NFASC: variants seen among roughly 807,000 people sequenced by gnomAD.
NFASC encodes neurofascin homolog.
In NFASC, 43 loss-of-function variants were observed where a neutral mutation model predicts 147.5. The ratio of observed to expected loss-of-function variants is 0.29; its 90% CI spans 0.23 to 0.38. NFASC has a LOEUF of 0.38. Ranked by LOEUF, NFASC falls within the 10% of genes least tolerant of loss-of-function variation. The pLI is 1.00. For synonymous variants in NFASC, 622 were observed against 665.5 expected (o/e 0.93, Z 1.01); for missense variants, 1,320 against 1,689.0 (o/e 0.78, Z 3.83).
At chr1:205,013,509 A>C (rs1232714875) in intron 29 of NFASC, among the ~76,000 whole-genome samples, 1 of 152,124 alleles carries the variant, frequency 6.6e-6, no homozygotes, top group African/African-American at 2.4e-5. Context: ...GTCCCCACCC[A>C]GTGAGTTAGT....
chr1:204,872,730 G>T (rs2077956141), intron 1 of NFASC, among the ~76,000 whole-genome samples: 1 of 152,184 alleles, frequency 6.6e-6, no homozygotes, highest in South Asian at 2.1e-4. Flanking sequence ...GATGTGCTCA[G>T]GGTGCAACAG....
chr1:204,946,200 C>A, intron 3 of NFASC: 1 of 417,612 alleles, frequency 2.4e-6, no homozygotes, highest in Non-Finnish European at 5.0e-6. Flanking sequence ...AGCTTAGAGT[C>A]ACACAGCAAA....
intron 11 of NFASC, among the ~76,000 whole-genome samples, chr1:204,972,941 G>T (rs934653094): frequency 3.9e-5 from 6 of 152,236 alleles, no homozygotes; most frequent in South Asian, 2.1e-4. Flanking sequence ...GAGATTGAAT[G>T]ATGCTGGTAG....
Position 204,975,172 on chromosome 1 carries a change from G to A in NFASC, c.1559-99G>A. On this transcript the variant is annotated intron_variant, in intron 14 of 29. Coordinates refer to ENST00000339876, the MANE Select transcript of NFASC (RefSeq NM_001005388.3). The surrounding 1 kb of genome is among the most constrained non-coding windows in gnomAD (Gnocchi z 4.0). Reference sequence around the variant, plus strand: ...ACTGTTTGTGCCCCACTCCATAGTTGGCCCAAGGCCTCGAGGGCAGACATA... The same window carrying A: ...ACTGTTTGTGCCCCACTCCATAGTTAGCCCAAGGCCTCGAGGGCAGACATA... The A allele has an allele frequency of 1.5e-6, 2 of 1,340,432 alleles. No individual in the cohort carries two copies. Among genetic ancestry groups the A allele is most frequent in the South Asian group, 2.8e-5 (2 of 72,186 alleles). The allele number at this position is 1,340,432 out of a possible 1,614,324, so 83.0% of individuals were successfully genotyped here.
chr1:204,984,971 T>C lies in NFASC; in HGVS notation c.2471-2447T>C, dbSNP rs116727458. On this transcript the variant is annotated intron_variant, in intron 21 of 29. Transcript: ENST00000339876. ...CAGTTGGAGGCAGAGCAAGAGAGGC[T>C]AGTCTCTTCCCAGGAAATGAATTTG... is the stretch of plus-strand genomic sequence containing the variant. Among the ~76,000 whole-genome samples the C allele has an allele frequency of 3.6e-3, 552 of 152,330 alleles. 2 individuals are homozygous for C. Among genetic ancestry groups the C allele is most frequent in the African/African-American group, 0.013 (537 of 41,560 alleles).
At chr1:204,831,036 G>C (rs185617234) in intron 1 of NFASC, among the ~76,000 whole-genome samples, 3 of 152,116 alleles carry the variant, frequency 2.0e-5, no homozygotes, top group Admixed American at 1.3e-4. Flanking sequence ...GCTTTCCCTG[G>C]CATCAGTGCC....
chr1:204,902,765 G>T (rs1319909516), intron 1 of NFASC, among the ~76,000 whole-genome samples: 1 of 152,178 alleles, frequency 6.6e-6, no homozygotes, highest in Non-Finnish European at 1.5e-5. Flanking sequence ...AGGAGATGCT[G>T]GGTGCTTAAG....
intron 27 of NFASC, among the ~76,000 whole-genome samples, chr1:205,006,082 T>C (rs980725098): frequency 6.6e-6 from 1 of 152,206 alleles, no homozygotes; most frequent in Non-Finnish European, 1.5e-5. Flanking sequence ...TGGGTAGAAC[T>C]ATCCAAACAC....
intron 1 of NFASC, among the ~76,000 whole-genome samples, chr1:204,874,743 A>C (rs1196131486): frequency 6.6e-6 from 1 of 152,214 alleles, no homozygotes; most frequent in Non-Finnish European, 1.5e-5. Flanking sequence ...GCCTAAAGCA[A>C]ACTTCTCTTG....
intron 16 of NFASC, 49 bp from the exon 17 acceptor site, chr1:204,977,632 T>A (rs1574044737): frequency 6.3e-7 from 1 of 1,585,070 alleles, no homozygotes. Context: ...TAGAACACCT[T>A]TAATGCTGGA....
chr1:204,862,942 GA>G (rs2076791236), intron 1 of NFASC, among the ~76,000 whole-genome samples: 3 of 152,194 alleles, frequency 2.0e-5, no homozygotes. Context: ...AGAAGCTTTG[GA>G]CCAAGCACTT....
At chr1:205,009,836 A>G (rs1248553944) in intron 28 of NFASC, 148 bp downstream of exon 28, 1 of 834,320 alleles carries the variant, frequency 1.2e-6, no homozygotes, top group Non-Finnish European at 1.9e-6. Flanking sequence ...TTGCCTGTGC[A>G]TCTTCAGACT....
chr1:204,955,019 G>A, intron 7 of NFASC, 68 bp downstream of exon 7: 1 of 1,575,956 alleles, frequency 6.3e-7, no homozygotes, highest in Admixed American at 1.7e-5. Context: ...TGTGTTAAGT[G>A]GGGAGGGGCT....
At chr1:204,876,915 C>A (rs2078902629) in intron 1 of NFASC, among the ~76,000 whole-genome samples, 1 of 147,976 alleles carries the variant, frequency 6.8e-6, no homozygotes, top group East Asian at 2.0e-4. Flanking sequence ...GAAGCATAGC[C>A]TCTGGTAGAA....
At chr1:204,925,464 CT>C (rs2091323145) in intron 2 of NFASC, among the ~76,000 whole-genome samples, 1 of 152,220 alleles carries the variant, frequency 6.6e-6, no homozygotes. Flanking sequence ...TATGTTTCCC[CT>C]GGTCTGCATG....
intron 1 of NFASC, among the ~76,000 whole-genome samples, chr1:204,896,049 G>A (rs866308821): frequency 4.6e-5 from 7 of 152,174 alleles, no homozygotes; most frequent in African/African-American, 7.2e-5. Context: ...TCTGAGCTGC[G>A]AACAGCTTTG....
chr1:204,902,427 C>T (rs577982907), intron 1 of NFASC, among the ~76,000 whole-genome samples: 10 of 152,276 alleles, frequency 6.6e-5, no homozygotes, highest in Admixed American at 1.3e-4. Context: ...ATTTATGAGA[C>T]AATTGGAAAT....
chr1:204,959,783 C>CTT (rs1385540863), intron 8 of NFASC, among the ~76,000 whole-genome samples: 4 of 152,284 alleles, frequency 2.6e-5, no homozygotes, highest in Non-Finnish European at 4.4e-5. Flanking sequence ...GTAGAATTAA[C>CTT]TAACTTCCTC....
intron 2 of NFASC, among the ~76,000 whole-genome samples, chr1:204,923,550 T>C (rs2090942749): frequency 6.6e-6 from 1 of 152,178 alleles, no homozygotes; most frequent in South Asian, 2.1e-4. Flanking sequence ...TAAGTCCCTC[T>C]GCCTGTCAGA....
Sources: gnomAD v4.1 joint callset for allele counts (sites outside exome capture counted in the v4.1 genomes callset) on GRCh38, gnomAD v4.1.1 for gene constraint, Gnocchi (gnomAD v3.1) non-coding constraint, MANE v1.5 for transcripts, NCBI Gene and HGNC (gene_info 2026-07-23, HGNC 2026-07-21) for gene names.